Variants in NMU observed in about 807,000 individuals in gnomAD.
NMU encodes the protein neuromedin-U.
In NMU, 29 loss-of-function variants were observed where a neutral mutation model predicts 35.4. The observed-to-expected ratio is 0.82, with a 90% CI of 0.61 to 1.12. The LOEUF (loss-of-function observed/expected upper bound fraction) is 1.12. Among genes scored for constraint, NMU ranks in the 50% most tolerant of loss-of-function variants. The pLI is 0.00. For missense variants in NMU, 199 were observed against 206.2 expected (o/e 0.97, Z 0.21); for synonymous variants, 78 against 81.3 (o/e 0.96, Z 0.22).
chr4:55,604,623 T>C (rs1397452247), intron 7 of NMU, among the ~76,000 whole-genome samples: 1 of 145,156 alleles, frequency 6.9e-6, no homozygotes, highest in Non-Finnish European at 1.5e-5. Flanking sequence ...AAGCGATTCT[T>C]GTGCCTCAGT....
chr4:55,604,024 T>TACGTATATATAC, intron 7 of NMU, among the ~76,000 whole-genome samples: 1 of 138,950 alleles, frequency 7.2e-6, no homozygotes, highest in Non-Finnish European at 1.5e-5. Context: ...TGTGTATATA[T>TACGTATATATAC]ATAATCCTAG....
intron 3 of NMU, among the ~76,000 whole-genome samples, chr4:55,611,354 C>T (rs1283407642): frequency 6.6e-6 from 1 of 151,948 alleles, no homozygotes; most frequent in Non-Finnish European, 1.5e-5. Flanking sequence ...CAGAATGAAA[C>T]CCTGTCTTGA....
upstream of NMU, chr4:55,636,595 TGA>T (rs370478660): frequency 2.9e-4 from 47 of 163,454 alleles, no homozygotes; most frequent in African/African-American, 1.0e-3. The surrounding 1 kb of genome is among the most constrained non-coding windows in gnomAD (Gnocchi z 4.0). Flanking sequence ...CCAGGCCGTC[TGA>T]GTTTTTAAAC....
In NMU at chr4:55,607,304, A is replaced by G. The variant is rs376294953; in HGVS notation, c.354T>C (p.Asn118=). Residue 118 remains asparagine (N), a synonymous_variant, in exon 6 of 10, where the codon AAT becomes AAC. Transcript: ENST00000264218. The stretch of plus-strand genomic sequence containing the variant: ...AAGTAGTTCTACAACTTACCACAAC[A>G]TTTGACTTGCCCAACTTCTGTGTCT... ...YSKTQKLGKS[N]VVSSVVHPLL... The G allele has an allele frequency of 6.2e-7, 1 of 1,606,096 alleles. No individual in the cohort carries two copies. The highest frequency in any genetic ancestry group is 8.5e-7 in the Non-Finnish European group (1 of 1,173,112).
intron 2 of NMU, among the ~76,000 whole-genome samples, chr4:55,625,549 C>G (rs1477487080): frequency 6.6e-6 from 1 of 152,094 alleles, no homozygotes; most frequent in Non-Finnish European, 1.5e-5. Context: ...TATCTTTTCC[C>G]TTATGTATTT....
In NMU at chr4:55,598,089, G is replaced by T. The variant is rs1490049609; in HGVS notation, c.*4+1053C>A. ...CTTTGTTGTTGTTGTTTTGGTTGTG[G>T]TTTTTTTTTTTTTTTTTTTTTGTGA... On this transcript the variant is annotated intron_variant, in intron 9 of 9. Transcript: ENST00000264218. Among the ~76,000 whole-genome samples, 382 of 85,430 alleles carry T rather than the reference G, an allele frequency of 4.5e-3. 3 individuals carry two copies. The highest frequency in any genetic ancestry group is 0.013 in the African/African-American group (307 of 23,360). The allele number at this position is 85,430 out of a possible 152,430, so 56.0% of individuals were successfully genotyped here. A position where few individuals can be genotyped will look rare whatever the true frequency, so the allele number is the denominator to read the frequency against.
At chr4:55,633,481 T>C (rs903779769) in intron 1 of NMU, among the ~76,000 whole-genome samples, 1 of 152,230 alleles carries the variant, frequency 6.6e-6, no homozygotes, top group African/African-American at 2.4e-5. Flanking sequence ...AGAGCAATAC[T>C]GTAATTAGGT....
intron 9 of NMU, among the ~76,000 whole-genome samples, chr4:55,595,990 C>T (rs890752928): frequency 2.6e-5 from 4 of 152,078 alleles, no homozygotes; most frequent in Non-Finnish European, 5.9e-5. Flanking sequence ...TAATGGAACA[C>T]TTATTCTGTA....
intron 1 of NMU, 105 bp downstream of exon 1, chr4:55,635,976 C>CA (rs1302348031): frequency 1.3e-5 from 20 of 1,520,350 alleles, no homozygotes; most frequent in Admixed American, 3.9e-5. Context: ...AGTGAAGTCC[C>CA]AGAAGCCAAG....
intron 1 of NMU, among the ~76,000 whole-genome samples, chr4:55,635,056 G>A (rs925586216): frequency 2.6e-5 from 4 of 152,162 alleles, no homozygotes; most frequent in Non-Finnish European, 4.4e-5. Flanking sequence ...AGTACCCAAC[G>A]TTCTGAACAA....
chr4:55,607,971 C>T (rs1474922644), intron 4 of NMU, among the ~76,000 whole-genome samples: 1 of 152,080 alleles, frequency 6.6e-6, no homozygotes, highest in African/African-American at 2.4e-5. Context: ...GAGACTGAGA[C>T]GATCCTGGCT....
chr4:55,630,334 A>G, intron 2 of NMU, 68 bp downstream of exon 2: 4 of 1,121,996 alleles, frequency 3.6e-6, no homozygotes, highest in Non-Finnish European at 5.5e-6. Flanking sequence ...GCTCAATTAT[A>G]CATTTTAACA....
upstream of NMU, chr4:55,636,461 CT>C: frequency 2.3e-6 from 1 of 430,158 alleles, no homozygotes; most frequent in Non-Finnish European, 4.0e-6. The surrounding 1 kb of genome is among the most constrained non-coding windows in gnomAD (Gnocchi z 4.0). Flanking sequence ...CCCGAGCCCC[CT>C]AGCCTGAGTT....
rs1338316761 is a variant in NMU, at chr4:55,604,015, G to A, written c.435+1260C>T. Among the ~76,000 whole-genome samples, 40 of 131,382 alleles carry A rather than the reference G, an allele frequency of 3.0e-4. 11 individuals carry two copies. Among genetic ancestry groups the A allele is most frequent in the Non-Finnish European group, 2.5e-4 (15 of 60,656 alleles). The allele number at this position is 131,382 out of a possible 152,430, so 86.2% of individuals were successfully genotyped here. On this transcript the variant is annotated intron_variant, in intron 7 of 9. Transcript: ENST00000264218. ...TATATATACGTATATATGTATATAT[G>A]TGTATATATATAATCCTAGAAATTA...
intron 6 of NMU, 59 bp from the exon 7 acceptor site, chr4:55,605,408 A>C: frequency 8.3e-7 from 1 of 1,202,762 alleles, no homozygotes; most frequent in Admixed American, 1.7e-5. Flanking sequence ...GTGGCCATCA[A>C]GACGGTTTCC....
In NMU at chr4:55,595,260, T is replaced by C. The variant is rs955235966; in HGVS notation, c.*156A>G. 1 of 152,462 alleles carries C rather than the reference T, an allele frequency of 6.6e-6. No homozygotes were observed. Among genetic ancestry groups the C allele is most frequent in the Admixed American group, 6.5e-5 (1 of 15,270 alleles). 9.4% of individuals were successfully genotyped at this position (152,462 alleles called of 1,614,324 possible). On this transcript the variant is annotated 3_prime_UTR_variant, in exon 10 of 10. Transcript: ENST00000264218. ...TTTAGATTTTTTAATTTTCAACAAATTGAACATTTACAACATTGTTACAAC... is the reference window on the plus strand; with the variant it reads ...TTTAGATTTTTTAATTTTCAACAAACTGAACATTTACAACATTGTTACAAC...
At chr4:55,618,618 T>C (rs889637600) in intron 2 of NMU, among the ~76,000 whole-genome samples, 1 of 151,962 alleles carries the variant, frequency 6.6e-6, no homozygotes, top group Non-Finnish European at 1.5e-5. Flanking sequence ...CTTTTCTCTC[T>C]CCTCTTTCTT....
intron 1 of NMU, among the ~76,000 whole-genome samples, chr4:55,635,751 C>T (rs1035999286): frequency 5.9e-5 from 9 of 152,256 alleles, no homozygotes; most frequent in African/African-American, 2.2e-4. Flanking sequence ...GTACCCGTTT[C>T]CACGGGCCGG....
At chr4:55,633,084 A>G (rs56156718) in intron 1 of NMU, among the ~76,000 whole-genome samples, 52,516 of 151,520 alleles carry the variant, frequency 0.35, 9,287 homozygotes, top group South Asian at 0.43. Context: ...CAGCACTTTG[A>G]GAGGCCAAGG....
Sources: gnomAD v4.1 joint callset for allele counts (sites outside exome capture counted in the v4.1 genomes callset) on GRCh38, gnomAD v4.1.1 for gene constraint, Gnocchi (gnomAD v3.1) non-coding constraint, MANE v1.5 for transcripts, NCBI Gene and HGNC (gene_info 2026-07-23, HGNC 2026-07-21) for gene names.